Variants in RABL2A observed in about 807,000 individuals in gnomAD.
RABL2A encodes rab-like protein 2A.
Under a neutral mutation model 30.7 loss-of-function variants are expected in RABL2A, and 17 were observed. That is an observed-to-expected ratio of 0.55 (90% CI 0.38 to 0.83). The LOEUF (loss-of-function observed/expected upper bound fraction) is 0.83. Ranked by LOEUF, RABL2A falls within the 40% of genes least tolerant of loss-of-function variation. The pLI is 0.00. For synonymous variants in RABL2A, 64 were observed against 101.8 expected (o/e 0.63, Z 2.24); for missense variants, 155 against 272.6 (o/e 0.57, Z 3.04).
In RABL2A at chr2:113,635,095, G is replaced by A. The variant is rs1272916800; in HGVS notation, c.262G>A (p.Ala88Thr). The A allele has an allele frequency of 1.2e-6, 2 of 1,614,184 alleles. No individual in the cohort carries two copies. Among genetic ancestry groups the A allele is most frequent in the Non-Finnish European group, 1.7e-6 (2 of 1,180,026 alleles). ...CCAGGAGCGGTTCCAGAGCATGCAT[G>A]CCTCCTACTACCACAAGGCCCATGC... ...AGQERFQSMH[A>T]SYYHKAHACI... is the part of the protein sequence containing the mutation. The change falls in exon 5 of 9, where the codon GCC becomes ACC. Residue 88 changes from alanine to threonine, a missense_variant. Ala to Thr is a moderately conservative substitution (Grantham distance 58). This residue lies in a region of RABL2A where 82 missense variants were observed against 103.2 expected (regional missense o/e 0.79). Coordinates refer to ENST00000683472, the MANE Select transcript of RABL2A (RefSeq NM_001306158.2).
intron 2 of RABL2A, among the ~76,000 whole-genome samples, chr2:113,632,054 A>T: frequency 6.6e-6 from 1 of 152,108 alleles, no homozygotes; most frequent in Non-Finnish European, 1.5e-5. Context: ...TATTACACTG[A>T]CAGGCAAGCA....
chr2:113,635,783 G>A (rs934633180), intron 5 of RABL2A, among the ~76,000 whole-genome samples: 21 of 152,142 alleles, frequency 1.4e-4, no homozygotes, highest in Admixed American at 1.4e-3. Context: ...ATGCTGAAAA[G>A]GAGCATGTTT....
chr2:113,633,989 A>G, intron 3 of RABL2A, 164 bp from the exon 4 acceptor site: 2 of 1,428,586 alleles, frequency 1.4e-6, no homozygotes, highest in Non-Finnish European at 1.9e-6. Flanking sequence ...TACCAGTGGT[A>G]TGTGAAGCTG....
chr2:113,638,299 C>T lies in RABL2A; in HGVS notation c.298-2595C>T. 5 of 985,468 alleles carry T rather than the reference C, an allele frequency of 5.1e-6. No individual in the cohort carries two copies. The South Asian group carries it at 1.4e-4, about 28-fold the overall frequency. 61.0% of individuals were successfully genotyped at this position (985,468 alleles called of 1,614,324 possible). A position where few individuals can be genotyped will look rare whatever the true frequency, so the allele number is the denominator to read the frequency against. On this transcript the variant is annotated intron_variant, in intron 5 of 8. Coordinates refer to ENST00000683472, the MANE Select transcript of RABL2A (RefSeq NM_001306158.2). Reference sequence around the variant, plus strand: ...AGTTGCTGACCCTCCCGCCACCACACAGGGCGAGCCCCTAGCCCTGAGCTT... The same window carrying T: ...AGTTGCTGACCCTCCCGCCACCACATAGGGCGAGCCCCTAGCCCTGAGCTT...
At chr2:113,635,193 C>G in intron 5 of RABL2A, 63 bp downstream of exon 5, 1 of 1,537,948 alleles carries the variant, frequency 6.5e-7, no homozygotes, top group Non-Finnish European at 9.0e-7. Flanking sequence ...GGTGAGGGGC[C>G]TAGCAGCCCT....
intron 5 of RABL2A, chr2:113,640,360 C>T (rs1684679154): frequency 6.4e-6 from 1 of 156,518 alleles, no homozygotes; most frequent in Non-Finnish European, 1.4e-5. Flanking sequence ...GACAAGATAA[C>T]AAAAAAGGAA....
intron 5 of RABL2A, among the ~76,000 whole-genome samples, chr2:113,639,218 T>TGG (rs1022794928): frequency 6.6e-6 from 1 of 151,440 alleles, no homozygotes; most frequent in Non-Finnish European, 1.5e-5. Flanking sequence ...GCCCAGGGGG[T>TGG]GGAGGAGCAG....
intron 5 of RABL2A, among the ~76,000 whole-genome samples, chr2:113,637,000 A>AT (rs1199271038): frequency 1.0e-4 from 15 of 143,820 alleles, no homozygotes; most frequent in Non-Finnish European, 1.8e-4. Flanking sequence ...AAAAAAATAA[A>AT]AAAATAAAAA....
intron 5 of RABL2A, chr2:113,638,732 G>A (rs1196879012): frequency 4.0e-6 from 1 of 247,902 alleles, no homozygotes; most frequent in East Asian, 1.8e-4. Context: ...GCCAGGCGTG[G>A]TGGCGCGCAC....
At chr2:113,637,495 A>T in intron 5 of RABL2A, 1 of 1,172,066 alleles carries the variant, frequency 8.5e-7, no homozygotes, top group Non-Finnish European at 1.1e-6. Flanking sequence ...TGGTAGGCAC[A>T]GTACAGATAC....
At chr2:113,635,180 A>AG (rs1288586106) in intron 5 of RABL2A, 50 bp downstream of exon 5, 1 of 1,586,374 alleles carries the variant, frequency 6.3e-7, no homozygotes, top group Non-Finnish European at 8.6e-7. Flanking sequence ...GTCTGGCCTG[A>AG]GGGGTGAGGG....
intron 5 of RABL2A, among the ~76,000 whole-genome samples, chr2:113,639,083 G>A (rs1405363274): frequency 6.6e-6 from 1 of 151,986 alleles, no homozygotes; most frequent in African/African-American, 2.4e-5. Flanking sequence ...GGGAGTCCAA[G>A]ACCAGCCTCG....
intron 2 of RABL2A, among the ~76,000 whole-genome samples, chr2:113,630,505 T>C (rs1286918493): frequency 6.6e-6 from 1 of 152,226 alleles, no homozygotes. Context: ...GTGTTCATCA[T>C]ATCTGAAGGG....
chr2:113,631,945 A>G (rs1573974533), intron 2 of RABL2A, among the ~76,000 whole-genome samples: 1 of 142,390 alleles, frequency 7.0e-6, no homozygotes, highest in African/African-American at 2.9e-5. Flanking sequence ...TCTTTATAGT[A>G]AGGGTGCTGT....
intron 2 of RABL2A, among the ~76,000 whole-genome samples, chr2:113,632,690 G>A (rs191456864): frequency 8.1e-4 from 124 of 152,344 alleles, no homozygotes; most frequent in Middle Eastern, 3.4e-3. Context: ...AGAGCTTCAC[G>A]TGGGCTGGTG....
chr2:113,637,127 A>G (rs945811696), intron 5 of RABL2A, among the ~76,000 whole-genome samples: 6 of 152,240 alleles, frequency 3.9e-5, no homozygotes, highest in African/African-American at 1.2e-4. Context: ...AGAGAGATGC[A>G]TGGCTGAGTA....
At position 113,642,263 on chromosome 2, in the gene RABL2A, C is replaced by G. The variant is rs868266820; in HGVS notation, c.*134C>G. ...GCAACCCACCCATCCTATTAGCCTCCCACATTCAAGGCCCGTGATACAGGG... is the reference window on the plus strand; with the variant it reads ...GCAACCCACCCATCCTATTAGCCTCGCACATTCAAGGCCCGTGATACAGGG... On this transcript the variant is annotated 3_prime_UTR_variant, in exon 9 of 9. Transcript: ENST00000683472. 8 of 1,481,920 alleles carry G rather than the reference C, an allele frequency of 5.4e-6. No individual in the cohort carries two copies. The highest frequency in any genetic ancestry group is 7.2e-6 in the Non-Finnish European group (8 of 1,112,364). The allele number at this position is 1,481,920 out of a possible 1,614,324, so 91.8% of individuals were successfully genotyped here.
At chr2:113,632,452 C>T (rs1218016710) in intron 2 of RABL2A, among the ~76,000 whole-genome samples, 5 of 152,254 alleles carry the variant, frequency 3.3e-5, no homozygotes, top group African/African-American at 1.2e-4. Flanking sequence ...TGTGTCGCCA[C>T]ACCTGGCTAA....
At position 113,642,019 on chromosome 2, in the gene RABL2A, C is replaced by A. The variant is rs1276760135; in HGVS notation, c.592-12C>A. The A allele has an allele frequency of 1.2e-6, 2 of 1,610,596 alleles. No individual in the cohort carries two copies. Among genetic ancestry groups the A allele is most frequent in the Admixed American group, 3.4e-5 (2 of 59,644 alleles). ...ATGCAGGGCCAGGCCTCACCTGCGA[C>A]CTTGTTCACAGAACTTCAGCTTGGA... On this transcript the variant is annotated splice_polypyrimidine_tract_variant and intron_variant, in intron 8 of 8. Transcript: ENST00000683472.
Sources: gnomAD v4.1 joint callset for allele counts (sites outside exome capture counted in the v4.1 genomes callset) on GRCh38, gnomAD v4.1.1 for gene constraint, gnomAD v4.1.1 regional missense constraint, MANE v1.5 for transcripts, NCBI Gene and HGNC (gene_info 2026-07-23, HGNC 2026-07-21) for gene names.